The following KIF1B variants were observed in gnomAD, a reference collection of about 807,000 sequenced individuals.
KIF1B encodes the protein kinesin-like protein KIF1B.
KIF1B carries 76 observed loss-of-function variants against 241.9 expected under a neutral mutation model. The ratio of observed to expected loss-of-function variants is 0.31; its 90% CI spans 0.26 to 0.38. KIF1B has a LOEUF of 0.38. Ranked by LOEUF, KIF1B falls within the 10% of genes least tolerant of loss-of-function variation. The pLI, the probability that KIF1B is intolerant of heterozygous loss-of-function variation, is 1.00. For synonymous variants in KIF1B, 750 were observed against 796.7 expected, an observed-to-expected ratio of 0.94 and a Z score of 0.99; for missense variants, 1,622 against 2,271.4, an observed-to-expected ratio of 0.71 and a Z score of 5.81.
At chr1:10,277,029 C>T (rs558011015) in intron 12 of KIF1B, among the ~76,000 whole-genome samples, 104 of 150,128 alleles carry the variant, frequency 6.9e-4, no homozygotes, top group Non-Finnish European at 1.3e-3. Context: ...TGCAGTGAGC[C>T]GAGATGGCGC....
At chr1:10,346,499 G>A (rs1652595173) in intron 35 of KIF1B, among the ~76,000 whole-genome samples, 1 of 152,050 alleles carries the variant, frequency 6.6e-6, no homozygotes, top group Admixed American at 6.6e-5. Context: ...TGTGTAGCTG[G>A]GATTACAGGT....
chr1:10,223,284 A>T (rs1266984132), intron 1 of KIF1B, among the ~76,000 whole-genome samples: 1 of 152,158 alleles, frequency 6.6e-6, no homozygotes, highest in Non-Finnish European at 1.5e-5. Context: ...CAACAAAACA[A>T]AAAGCACCTC....
chr1:10,297,645 AG>A (rs1444231398), intron 22 of KIF1B, among the ~76,000 whole-genome samples: 1 of 151,770 alleles, frequency 6.6e-6, no homozygotes, highest in Non-Finnish European at 1.5e-5. Context: ...ATCACTTGAT[AG>A]TACTAATTCT....
At chr1:10,371,022 A>G (rs1638717928) in intron 44 of KIF1B, 119 bp from the exon 45 acceptor site, 5 of 1,212,230 alleles carry the variant, frequency 4.1e-6, no homozygotes, top group South Asian at 1.2e-5. Flanking sequence ...GTTTTCTTAA[A>G]TGACCTTCTG....
chr1:10,338,757 G>GT (rs1198299786), intron 31 of KIF1B, among the ~76,000 whole-genome samples: 1 of 152,234 alleles, frequency 6.6e-6, no homozygotes, highest in African/African-American at 2.4e-5. Flanking sequence ...CCTCTGGCCT[G>GT]TGCCGGGAAG....
chr1:10,277,093 A>T (rs1649155281), intron 12 of KIF1B, among the ~76,000 whole-genome samples: 1 of 151,940 alleles, frequency 6.6e-6, no homozygotes, highest in Admixed American at 6.6e-5. Context: ...AAAAAAAAAA[A>T]ATAAATTCTG....
chr1:10,320,347 T>C (rs1651471361), intron 23 of KIF1B, among the ~76,000 whole-genome samples: 1 of 152,148 alleles, frequency 6.6e-6, no homozygotes, highest in Non-Finnish European at 1.5e-5. Flanking sequence ...AGTGATGGTG[T>C]TCTTAGACCT....
Position 10,365,707 on chromosome 1 carries a change from T to C in KIF1B, c.4752+59T>C, listed in dbSNP as rs1333923524. 6.2e-7 allele frequency: 1 copy of C among 1,608,366 alleles called. No individual in the cohort carries two copies. The highest frequency in any genetic ancestry group is 8.5e-7 in the Non-Finnish European group (1 of 1,178,146). ...CCACAAGGCTCCACAAACTAGCCTC[T>C]CGGTTTATTCATTTTCAACACCTTT... is the stretch of plus-strand genomic sequence containing the variant. On this transcript the variant is annotated intron_variant, in intron 43 of 48. Coordinates refer to ENST00000676179, the MANE Select transcript of KIF1B (RefSeq NM_001365951.3). The surrounding 1 kb of genome is among the most constrained non-coding windows in gnomAD (Gnocchi z 4.0).
intron 1 of KIF1B, among the ~76,000 whole-genome samples, chr1:10,228,798 G>A (rs1010671759): frequency 6.6e-6 from 1 of 152,196 alleles, no homozygotes; most frequent in Admixed American, 6.5e-5. Flanking sequence ...GGGAATGAGA[G>A]GAAGGGAGGG....
intron 15 of KIF1B, among the ~76,000 whole-genome samples, chr1:10,287,331 G>A (rs921662608): frequency 6.6e-6 from 1 of 152,020 alleles, no homozygotes; most frequent in Non-Finnish European, 1.5e-5. Flanking sequence ...CAAGTAACTG[G>A]GACTACAGGT....
chr1:10,298,247 G>A (rs186391160), intron 22 of KIF1B, among the ~76,000 whole-genome samples: 1 of 152,220 alleles, frequency 6.6e-6, no homozygotes, highest in East Asian at 1.9e-4. Flanking sequence ...TCAAGCACTG[G>A]CTTCTTTCCT....
chr1:10,230,393 A>G (rs1196029450), intron 1 of KIF1B, among the ~76,000 whole-genome samples: 1 of 150,232 alleles, frequency 6.7e-6, no homozygotes, highest in African/African-American at 2.4e-5. Context: ...TATTGGATAG[A>G]GTGTAGAGTT....
chr1:10,311,845 A>G lies in KIF1B; in HGVS notation c.2116-8198A>G, dbSNP rs78975776. On this transcript the variant is annotated intron_variant, in intron 22 of 48. Transcript: ENST00000676179. ...TTTTGTACTGATGATGAAGATAATG[A>G]TAACTCATATATTGAGCATGTATTA... is the stretch of plus-strand genomic sequence containing the variant. Among the ~76,000 whole-genome samples the G allele has an allele frequency of 1.6e-3, 238 of 151,638 alleles. 15 individuals carry two copies. The highest frequency in any genetic ancestry group is 5.3e-3 in the African/African-American group (216 of 40,936).
chr1:10,219,862 G>C (rs572688745), intron 1 of KIF1B, among the ~76,000 whole-genome samples: 2 of 152,092 alleles, frequency 1.3e-5, no homozygotes, highest in African/African-American at 4.8e-5. Flanking sequence ...GCGCCCAATA[G>C]TTCGGTATCA....
At chr1:10,352,358 G>GT (rs1652826014) in intron 37 of KIF1B, among the ~76,000 whole-genome samples, 1 of 152,204 alleles carries the variant, frequency 6.6e-6, no homozygotes, top group Non-Finnish European at 1.5e-5. Context: ...CCAGACCAGA[G>GT]AGGAGGTGGC....
intron 22 of KIF1B, chr1:10,306,756 TTAA>T: frequency 1.9e-6 from 1 of 525,640 alleles, no homozygotes; most frequent in Non-Finnish European, 2.3e-6. Flanking sequence ...GAACCTGTCT[TTAA>T]AAAAAAAAAA....
intron 43 of KIF1B, among the ~76,000 whole-genome samples, chr1:10,367,055 C>A (rs1386721903): frequency 6.6e-6 from 1 of 152,034 alleles, no homozygotes; most frequent in Non-Finnish European, 1.5e-5. Flanking sequence ...AATTCTTTAT[C>A]TTTATTACAG....
intron 15 of KIF1B, among the ~76,000 whole-genome samples, chr1:10,286,328 C>T (rs145438934): frequency 8.5e-5 from 13 of 152,362 alleles, no homozygotes; most frequent in African/African-American, 2.4e-4. Context: ...GCATGAGCCA[C>T]CATGCCAGGT....
chr1:10,269,475 A>G (rs1049082501), intron 7 of KIF1B, among the ~76,000 whole-genome samples: 1 of 148,204 alleles, frequency 6.7e-6, no homozygotes, highest in Admixed American at 6.8e-5. Context: ...AGATCGTGCC[A>G]TTGCACTCCA....
Sources: allele counts gnomAD v4.1 joint callset (sites outside exome capture counted in the v4.1 genomes callset), GRCh38; gene constraint gnomAD v4.1.1; non-coding constraint Gnocchi (gnomAD v3.1); transcripts MANE v1.5; gene names NCBI Gene and HGNC (gene_info 2026-07-23, HGNC 2026-07-21).